The following RCOR3 variants were observed in gnomAD, a reference collection of about 807,000 sequenced individuals.
RCOR3 encodes the protein REST corepressor 3.
A neutral mutation model predicts 64.1 loss-of-function variants in RCOR3; 13 were observed. The ratio of observed to expected loss-of-function variants is 0.20; its 90% CI spans 0.13 to 0.32. RCOR3 has a LOEUF of 0.32. RCOR3 is among the 10% of genes least tolerant of loss of function. The pLI, the probability that RCOR3 is intolerant of heterozygous loss-of-function variation, is 1.00. For synonymous variants in RCOR3, 215 were observed against 239.0 expected (o/e 0.90, Z 0.93); for missense variants, 489 against 701.2 (o/e 0.70, Z 3.42).
Position 211,297,152 on chromosome 1 carries a change from A to G in RCOR3, c.1017+1399A>G, listed in dbSNP as rs193173387. Among the ~76,000 whole-genome samples the G allele has an allele frequency of 1.1e-4, 16 of 152,272 alleles. No homozygotes were observed. In the East Asian group the frequency reaches 3.1e-3, roughly 29 times the overall value. Reference sequence around the variant, plus strand: ...AGGCCCAGACAGTTTTACAGAAAACATTTACTAAGTTTTCAAGAAAAGGAT... The same window carrying G: ...AGGCCCAGACAGTTTTACAGAAAACGTTTACTAAGTTTTCAAGAAAAGGAT... On this transcript the variant is annotated intron_variant, in intron 9 of 11. Transcript: ENST00000419091.
intron 7 of RCOR3, among the ~76,000 whole-genome samples, chr1:211,284,628 A>G (rs532749701): frequency 1.6e-4 from 24 of 152,050 alleles, no homozygotes; most frequent in Non-Finnish European, 3.1e-4. Flanking sequence ...GGCTCAAGCC[A>G]TCCTCTTGCC....
chr1:211,282,439 G>A (rs1037892071), intron 7 of RCOR3, among the ~76,000 whole-genome samples: 1 of 151,598 alleles, frequency 6.6e-6, no homozygotes, highest in African/African-American at 2.4e-5. Context: ...ATAGATACCA[G>A]TGTATCTACC....
At chr1:211,289,433 C>T (rs1267490219) in intron 8 of RCOR3, 37 bp downstream of exon 8, 2 of 1,510,962 alleles carry the variant, frequency 1.3e-6, no homozygotes, top group Non-Finnish European at 1.8e-6. Context: ...TGATTCTGTG[C>T]ATTTTGGCTA....
At chr1:211,263,323 A>G (rs997417180) in intron 2 of RCOR3, among the ~76,000 whole-genome samples, 1 of 152,144 alleles carries the variant, frequency 6.6e-6, no homozygotes, top group Non-Finnish European at 1.5e-5. Flanking sequence ...AACCAACTTA[A>G]TTGACGATAA....
At chr1:211,271,456 T>A (rs1407100611) in intron 3 of RCOR3, 147 bp downstream of exon 3, 3 of 667,004 alleles carry the variant, frequency 4.5e-6, no homozygotes, top group African/African-American at 1.8e-5. Context: ...ATTTTTTTTT[T>A]AATGGAGGTT....
intron 9 of RCOR3, among the ~76,000 whole-genome samples, chr1:211,296,266 A>G (rs1348689726): frequency 6.6e-6 from 1 of 152,112 alleles, no homozygotes; most frequent in Non-Finnish European, 1.5e-5. Context: ...TAGATTGACC[A>G]TTTTCTCAAG....
intron 2 of RCOR3, among the ~76,000 whole-genome samples, chr1:211,261,805 C>T (rs1193446285): frequency 2.0e-5 from 3 of 149,596 alleles, no homozygotes; most frequent in Non-Finnish European, 4.4e-5. Flanking sequence ...CCTGTAAACC[C>T]AGCTACTCGG....
intron 8 of RCOR3, chr1:211,291,612 C>A (rs1460010593): frequency 8.8e-6 from 4 of 455,904 alleles, no homozygotes; most frequent in Non-Finnish European, 1.3e-5. Flanking sequence ...AAGAACCTTG[C>A]AACAGTATAG....
chr1:211,284,666 C>T (rs1348176764), intron 7 of RCOR3, among the ~76,000 whole-genome samples: 2 of 152,050 alleles, frequency 1.3e-5, no homozygotes, highest in African/African-American at 4.8e-5. Flanking sequence ...TACAGGCATG[C>T]ACCACCACAC....
intron 10 of RCOR3, among the ~76,000 whole-genome samples, chr1:211,307,488 A>AGAG: frequency 1.1e-4 from 1 of 9,102 alleles, no homozygotes; most frequent in Admixed American, 1.3e-3. Context: ...CTCAAAAAAA[A>AGAG]AAGAATTTAA....
intron 8 of RCOR3, among the ~76,000 whole-genome samples, chr1:211,293,601 TTC>T (rs906275833): frequency 6.6e-5 from 10 of 152,216 alleles, no homozygotes; most frequent in Non-Finnish European, 1.3e-4. Context: ...TACTCTCTCA[TTC>T]TCTCTCTTTC....
chr1:211,259,866 G>A (rs1218716991), intron 1 of RCOR3, 140 bp downstream of exon 1: 5 of 1,108,578 alleles, frequency 4.5e-6, no homozygotes, highest in African/African-American at 1.8e-5. Flanking sequence ...TCCCGGTGCA[G>A]TGCAGCAGCA....
chr1:211,291,211 A>AT (rs1009921320), intron 8 of RCOR3, among the ~76,000 whole-genome samples: 1 of 152,158 alleles, frequency 6.6e-6, no homozygotes, highest in Non-Finnish European at 1.5e-5. Context: ...GTTATTCTCT[A>AT]TTGTGCCTAA....
intron 10 of RCOR3, among the ~76,000 whole-genome samples, chr1:211,305,985 G>A (rs895205361): frequency 1.6e-4 from 25 of 152,084 alleles, no homozygotes; most frequent in African/African-American, 6.0e-4. Context: ...TGGAAGTATT[G>A]CATGTTCGCA....
intron 10 of RCOR3, among the ~76,000 whole-genome samples, chr1:211,307,810 A>G (rs1474362112): frequency 1.3e-5 from 2 of 151,600 alleles, no homozygotes; most frequent in East Asian, 3.8e-4. Context: ...AAAGATGTCA[A>G]CTTTAGTTAT....
chr1:211,306,988 T>C (rs1700909777), intron 10 of RCOR3, among the ~76,000 whole-genome samples: 2 of 152,206 alleles, frequency 1.3e-5, no homozygotes. Flanking sequence ...GTTTTTATCA[T>C]GTGTTCCAAC....
At chr1:211,279,366 A>G (rs1697458458) in intron 7 of RCOR3, 50 bp downstream of exon 7, 4 of 1,376,084 alleles carry the variant, frequency 2.9e-6, no homozygotes, top group Non-Finnish European at 4.1e-6. Flanking sequence ...AATCTGCTGA[A>G]AAAGAATGAA....
At position 211,259,797 on chromosome 1, in the gene RCOR3, C is replaced by T. The variant is rs1307012328; in HGVS notation, c.166+71C>T. 16 of 1,297,218 alleles carry T rather than the reference C, an allele frequency of 1.2e-5. No homozygotes were observed. In the Admixed American group the frequency reaches 4.2e-4, roughly 34 times the overall value. The allele number at this position is 1,297,218 out of a possible 1,614,324, so 80.4% of individuals were successfully genotyped here. On this transcript the variant is annotated intron_variant, in intron 1 of 11. Transcript: ENST00000419091. ...CTCTTCCCCTCCCCCAGCCCCCTCCCCTCGCCGCTCTCCCGCCCTCCCTCC... is the reference window on the plus strand; with the variant it reads ...CTCTTCCCCTCCCCCAGCCCCCTCCTCTCGCCGCTCTCCCGCCCTCCCTCC...
rs1701703655 is a variant in RCOR3, at chr1:211,313,615, G to A, written c.1509G>A (p.Arg503=). 6.2e-7 allele frequency: 1 copy of A among 1,614,044 alleles called. No homozygotes were observed. Among genetic ancestry groups the A allele is most frequent in the Non-Finnish European group, 8.5e-7 (1 of 1,180,008 alleles). Residue 503 remains arginine, a synonymous_variant, in exon 12 of 12, where the codon CGG becomes CGA. Transcript: ENST00000419091. This position sits in a 1 kb window ranked among gnomAD's most constrained non-coding sequence, Gnocchi z 4.7. ...AGCAGGCTCGGTTCATCCAGCCCCGGCCAACTTTAAATCAGCCTCCACCAC... is the reference window on the plus strand; with the variant it reads ...AGCAGGCTCGGTTCATCCAGCCCCGACCAACTTTAAATCAGCCTCCACCAC... The part of the protein sequence containing the change: ...LQQQARFIQP[R]PTLNQPPPPL...
Sources: allele counts gnomAD v4.1 joint callset (sites outside exome capture counted in the v4.1 genomes callset), GRCh38; gene constraint gnomAD v4.1.1; non-coding constraint Gnocchi (gnomAD v3.1); transcripts MANE v1.5; gene names NCBI Gene and HGNC (gene_info 2026-07-23, HGNC 2026-07-21).